The following SYNJ2 variants were observed in gnomAD, a reference collection of about 807,000 sequenced individuals.
The protein encoded by SYNJ2 is polyphosphatidylinositol phosphatase SYNJ2.
In SYNJ2, 116 loss-of-function variants were observed where a neutral mutation model predicts 141.3. The ratio of observed to expected loss-of-function variants is 0.82; its 90% confidence interval spans 0.71 to 0.96. The LOEUF (loss-of-function observed/expected upper bound fraction) is 0.96. Ranked by LOEUF, SYNJ2 falls within the 40% of genes least tolerant of loss-of-function variation. The pLI is 0.00. For missense variants in SYNJ2, 1,873 were observed against 1,934.8 expected (o/e 0.97, Z 0.60); for synonymous variants, 745 against 777.7 (o/e 0.96, Z 0.70).
chr6:158,008,255 GA>G (rs1778144454), intron 1 of SYNJ2, among the ~76,000 whole-genome samples: 1 of 152,156 alleles, frequency 6.6e-6, no homozygotes, highest in South Asian at 2.1e-4. Context: ...TTACAGGCAT[GA>G]GCCACCACGT....
chr6:158,049,464 G>A (rs1457833368), intron 5 of SYNJ2, among the ~76,000 whole-genome samples: 1 of 152,178 alleles, frequency 6.6e-6, no homozygotes, highest in Non-Finnish European at 1.5e-5. Context: ...ACGGAGGAAG[G>A]GTGAGCTCCG....
chr6:157,997,033 C>CG (rs1777660389), intron 1 of SYNJ2, among the ~76,000 whole-genome samples: 1 of 144,250 alleles, frequency 6.9e-6, no homozygotes, highest in South Asian at 2.3e-4. Context: ...CCCCACCCCC[C>CG]CCCACCCAGC....
At chr6:158,051,792 CA>C (rs34963476) in intron 5 of SYNJ2, among the ~76,000 whole-genome samples, 3,169 of 128,164 alleles carry the variant, frequency 0.025, 96 homozygotes, top group African/African-American at 0.08. Flanking sequence ...ACAAAAAATA[CA>C]AAAAAAAAAA....
At position 158,096,788 on chromosome 6, in the gene SYNJ2, T is replaced by C. The variant is rs1783820645; in HGVS notation, c.*424T>C. 2 of 161,744 alleles carry C rather than the reference T, an allele frequency of 1.2e-5. No individual in the cohort carries two copies. The highest frequency in any genetic ancestry group is 6.2e-5 in the Admixed American group (1 of 16,204). 10.0% of individuals were successfully genotyped at this position (161,744 alleles called of 1,614,324 possible). On this transcript the variant is annotated 3_prime_UTR_variant, in exon 27 of 27. Coordinates refer to ENST00000355585, the MANE Select transcript of SYNJ2 (RefSeq NM_003898.4). ...TTTTGGGGAGCCACCTGAAGGTTGATGTATAAAGTAAGGATTAGAGAAAGA... is the reference window on the plus strand; with the variant it reads ...TTTTGGGGAGCCACCTGAAGGTTGACGTATAAAGTAAGGATTAGAGAAAGA...
chr6:158,029,043 C>T lies in SYNJ2; in HGVS notation c.485+17C>T. 6.4e-7 allele frequency: 1 copy of T among 1,570,184 alleles called. No individual in the cohort carries two copies. The highest frequency in any genetic ancestry group is 8.6e-7 in the Non-Finnish European group (1 of 1,164,414). ...CTTCTTCTGGTGAGGCCCTGGGTCC[C>T]CTGCAGAGGGTGGGCCCTGGGTCTC... On this transcript the variant is annotated intron_variant, in intron 3 of 26. Transcript: ENST00000355585.
chr6:158,074,789 A>G, intron 16 of SYNJ2, 51 bp downstream of exon 16: 1 of 1,596,098 alleles, frequency 6.3e-7, no homozygotes, highest in Non-Finnish European at 8.5e-7. Flanking sequence ...AGATGGAATG[A>G]CATCTGTGAG....
intron 17 of SYNJ2, among the ~76,000 whole-genome samples, chr6:158,077,394 G>A (rs1782372350): frequency 6.6e-6 from 1 of 152,158 alleles, no homozygotes. Context: ...TTTTTTCTGG[G>A]TGGGGAAAGC....
chr6:158,037,395 CTTTTTTTTT>C (rs869141011), intron 4 of SYNJ2, among the ~76,000 whole-genome samples: 1 of 109,090 alleles, frequency 9.2e-6, no homozygotes, highest in African/African-American at 3.9e-5. Context: ...TTGTCCTCAT[CTTTTTTTTT>C]TTTTTTTTTT....
chr6:158,083,882 T>C, intron 21 of SYNJ2, 119 bp from the exon 22 acceptor site: 2 of 1,232,414 alleles, frequency 1.6e-6, no homozygotes, highest in Non-Finnish European at 1.2e-6. Context: ...GCCTGGGCCC[T>C]GAGCTGCAGG....
chr6:158,080,249 C>T (rs150957481), intron 18 of SYNJ2, among the ~76,000 whole-genome samples: 32 of 152,160 alleles, frequency 2.1e-4, no homozygotes, highest in African/African-American at 5.8e-4. Flanking sequence ...CTGAGGCAGG[C>T]GGATCACCTA....
intron 1 of SYNJ2, among the ~76,000 whole-genome samples, chr6:157,983,011 T>C (rs546553314): frequency 6.6e-6 from 1 of 152,148 alleles, no homozygotes; most frequent in African/African-American, 2.4e-5. Flanking sequence ...CACCCGAGAG[T>C]AAGCTCCCAC....
chr6:158,067,735 T>G, intron 12 of SYNJ2: 1 of 985,296 alleles, frequency 1.0e-6, no homozygotes, highest in Non-Finnish European at 1.2e-6. Flanking sequence ...ACACGCCATC[T>G]GTGCCCTCCT....
chr6:157,995,783 G>A (rs928633185), intron 1 of SYNJ2, among the ~76,000 whole-genome samples: 4 of 152,124 alleles, frequency 2.6e-5, no homozygotes, highest in Admixed American at 6.5e-5. Flanking sequence ...TAAATTGGCC[G>A]CTTTTCAACA....
chr6:158,066,837 A>G (rs1232844289), intron 12 of SYNJ2, among the ~76,000 whole-genome samples: 1 of 152,130 alleles, frequency 6.6e-6, no homozygotes, highest in African/African-American at 2.4e-5. Flanking sequence ...AGATGTTTAG[A>G]AGAGTTAGCA....
At chr6:158,074,854 A>G (rs954351828) in intron 16 of SYNJ2, 116 bp downstream of exon 16, 19 of 1,268,932 alleles carry the variant, frequency 1.5e-5, no homozygotes, top group Non-Finnish European at 2.1e-5. Context: ...ACTGTTTCCA[A>G]CATTGTAGAA....
In SYNJ2 at chr6:158,097,535, C is replaced by T. The variant is rs1214274689; in HGVS notation, c.*1171C>T. The T allele has an allele frequency of 6.6e-6, 1 of 152,194 alleles. No homozygotes were observed. Among genetic ancestry groups the T allele is most frequent in the East Asian group, 1.9e-4 (1 of 5,202 alleles). The allele number at this position is 152,194 out of a possible 1,614,324, so 9.4% of individuals were successfully genotyped here. A position where few individuals can be genotyped will look rare whatever the true frequency, so the allele number is the denominator to read the frequency against. ...TGTTTTCGCTATTTAATAAGAAGTT[C>T]AGTAGTGAAATCTTACTGTACCGCC... On this transcript the variant is annotated 3_prime_UTR_variant, in exon 27 of 27. Transcript: ENST00000355585.
chr6:158,067,942 CT>C (rs919391665), intron 12 of SYNJ2: 49 of 985,176 alleles, frequency 5.0e-5, no homozygotes, highest in Non-Finnish European at 5.5e-5. Flanking sequence ...ACGAAAGTGA[CT>C]CCTCTTCTTT....
chr6:158,073,824 C>T (rs1268455513), intron 15 of SYNJ2, among the ~76,000 whole-genome samples: 2 of 151,626 alleles, frequency 1.3e-5, no homozygotes, highest in East Asian at 3.9e-4. Context: ...TGGAGCTAGG[C>T]AGATGGGAGC....
chr6:158,006,160 C>T (rs1487378286), intron 1 of SYNJ2, among the ~76,000 whole-genome samples: 1 of 152,212 alleles, frequency 6.6e-6, no homozygotes. Context: ...CTCCAGCAGC[C>T]TCTCCATTTC....
Sources: gnomAD v4.1 joint callset for allele counts (sites outside exome capture counted in the v4.1 genomes callset) on GRCh38, gnomAD v4.1.1 for gene constraint, MANE v1.5 for transcripts, NCBI Gene and HGNC (gene_info 2026-07-23, HGNC 2026-07-21) for gene names.